The following CERK variants were observed in gnomAD, a reference collection of about 807,000 sequenced individuals.
CERK encodes acylsphingosine kinase.
A neutral mutation model predicts 63.4 loss-of-function variants in CERK; 39 were observed. The ratio of observed to expected loss-of-function variants is 0.61; its 90% CI spans 0.48 to 0.80. The LOEUF is 0.80. Among genes scored for constraint, CERK ranks in the 30% least tolerant of loss-of-function variants. The probability of loss-of-function intolerance (pLI) is 0.00; values close to 1 mark genes in which losing one functional copy is unlikely to be tolerated. For missense variants in CERK, 670 were observed against 714.1 expected (o/e 0.94, Z 0.70); for synonymous variants, 302 against 280.0 (o/e 1.08, Z -0.78).
chr22:46,701,210 C>A (rs2082781986), intron 7 of CERK, among the ~76,000 whole-genome samples: 1 of 152,184 alleles, frequency 6.6e-6, no homozygotes, highest in Admixed American at 6.5e-5. Flanking sequence ...TGGACTGAAG[C>A]CTCGAGGCCT....
intron 9 of CERK, among the ~76,000 whole-genome samples, chr22:46,694,829 GCA>G (rs2082748089): frequency 1.3e-5 from 2 of 152,182 alleles, no homozygotes; most frequent in South Asian, 2.1e-4. Flanking sequence ...CCCTGCACAC[GCA>G]CAGTCACTGA....
At chr22:46,735,125 A>G (rs2082966480) in intron 1 of CERK, 1 of 152,314 alleles carries the variant, frequency 6.6e-6, no homozygotes, top group South Asian at 2.1e-4. Context: ...ACTCTAAAGG[A>G]ATAAATGCAG....
intron 1 of CERK, among the ~76,000 whole-genome samples, chr22:46,724,379 G>C (rs1471569790): frequency 6.6e-6 from 1 of 152,220 alleles, no homozygotes; most frequent in Non-Finnish European, 1.5e-5. Flanking sequence ...GGAGTCAAAA[G>C]TTTTCAACTG....
chr22:46,720,034 C>T (rs943893640), intron 3 of CERK, 52 bp downstream of exon 3: 127 of 1,591,906 alleles, frequency 8.0e-5, no homozygotes, highest in Non-Finnish European at 9.5e-5. Flanking sequence ...CCCAATCAGG[C>T]ATGCGCATGC....
chr22:46,723,873 C>T (rs754035895), intron 1 of CERK, among the ~76,000 whole-genome samples: 8 of 151,992 alleles, frequency 5.3e-5, no homozygotes, highest in Non-Finnish European at 1.2e-4. Flanking sequence ...AACTTTTGTA[C>T]TTTTAGTAGA....
Position 46,693,475 on chromosome 22 carries a change from G to A in CERK, c.1078C>T (p.Gln360Ter). Residue 360 changes from glutamine to a stop codon, truncating the protein, a stop_gained, in exon 10 of 13, where the codon CAG becomes TAG. Transcript: ENST00000216264. LOFTEE classifies it high-confidence loss of function. ...GCTTTCTTCTGCTCCTCCTCCAGCTGCTGCTTGCTTTGCCTGCAAACAAAG... is the reference window on the plus strand; with the variant it reads ...GCTTTCTTCTGCTCCTCCTCCAGCTACTGCTTGCTTTGCCTGCAAACAAAG... ...GCFVCRQSKQ[Q>*]LEEEQKKALY... The A allele has an allele frequency of 6.2e-7, 1 of 1,614,156 alleles. No individual in the cohort carries two copies. The highest frequency in any genetic ancestry group is 8.5e-7 in the Non-Finnish European group (1 of 1,180,012).
chr22:46,737,027 C>T (rs2082977245), intron 1 of CERK, among the ~76,000 whole-genome samples: 1 of 152,218 alleles, frequency 6.6e-6, no homozygotes, highest in Non-Finnish European at 1.5e-5. Context: ...GGTGCGGTTG[C>T]TCACACCTGT....
At chr22:46,693,849 T>C in intron 9 of CERK, 1 of 316,194 alleles carries the variant, frequency 3.2e-6, no homozygotes, top group Non-Finnish European at 6.1e-6. Flanking sequence ...ACTCCTGGGG[T>C]GAGGACTCAT....
intron 8 of CERK, 110 bp downstream of exon 8, chr22:46,699,203 G>C: frequency 9.0e-7 from 1 of 1,106,118 alleles, no homozygotes; most frequent in Non-Finnish European, 1.3e-6. Flanking sequence ...CCGTCTGTGA[G>C]CAGGTGGGGG....
intron 3 of CERK, among the ~76,000 whole-genome samples, chr22:46,713,323 T>A (rs1421724096): frequency 6.7e-6 from 1 of 149,282 alleles, no homozygotes; most frequent in Non-Finnish European, 1.5e-5. Flanking sequence ...GCTAACACGG[T>A]GAAATCCCGT....
At chr22:46,734,351 G>A (rs2082961714) in intron 1 of CERK, among the ~76,000 whole-genome samples, 1 of 151,888 alleles carries the variant, frequency 6.6e-6, no homozygotes, top group South Asian at 2.1e-4. Context: ...ACAAAGACGT[G>A]CACATGGCAT....
chr22:46,722,662 G>A (rs1016919623), intron 1 of CERK, among the ~76,000 whole-genome samples: 20 of 150,976 alleles, frequency 1.3e-4, no homozygotes, highest in Non-Finnish European at 2.2e-4. Flanking sequence ...CGGTTCAAGC[G>A]ATTCTCCCTC....
At chr22:46,702,223 ATGTGTGTGTGTGTGTGTGTGTG>A (rs34222392) in intron 6 of CERK, among the ~76,000 whole-genome samples, 6 of 84,788 alleles carry the variant, frequency 7.1e-5, no homozygotes, top group African/African-American at 2.2e-4. Context: ...AAATATATAT[ATGTGTGTGTGTGTGTGTGTGTG>A]TGTGTGTGTG....
At chr22:46,723,670 G>A (rs971328051) in intron 1 of CERK, among the ~76,000 whole-genome samples, 1 of 151,904 alleles carries the variant, frequency 6.6e-6, no homozygotes, top group Non-Finnish European at 1.5e-5. Flanking sequence ...GAACAACATG[G>A]GCTTAACCTT....
Position 46,684,904 on chromosome 22 carries a change from G to C in CERK, c.*2230C>G, listed in dbSNP as rs1047123. On this transcript the variant is annotated 3_prime_UTR_variant, in exon 13 of 13. Transcript: ENST00000216264. ...CAGCAGTCCCGAGGTCTGAGATTCT[G>C]AATGTCAGCAGGTGGCTGGAGAGTA... The C allele has an allele frequency of 0.41, 62,665 of 152,004 alleles. 13,101 individuals carry two copies. Among genetic ancestry groups the C allele is most frequent in the Middle Eastern group, 0.5 (147 of 294 alleles). 9.4% of individuals were successfully genotyped at this position (152,004 alleles called of 1,614,324 possible).
At chr22:46,687,268 C>A (rs113347877) in intron 12 of CERK, 62 bp from the exon 13 acceptor site, 2 of 1,311,252 alleles carry the variant, frequency 1.5e-6, no homozygotes, top group African/African-American at 3.4e-5. Context: ...TGGCCTGAGC[C>A]CCACTCCTGG....
At position 46,696,489 on chromosome 22, in the gene CERK, C is replaced by T. The variant is rs527741137; in HGVS notation, c.944-1174G>A. Among the ~76,000 whole-genome samples the T allele has an allele frequency of 2.5e-3, 386 of 152,310 alleles. 2 individuals carry two copies. The highest frequency in any genetic ancestry group is 9.1e-3 in the African/African-American group (378 of 41,570). ...GGCAGGGGGGCAGCTGCCTCATCAC[C>T]CAGACGCAGCCTCCAGGGTGGCGCC... On this transcript the variant is annotated intron_variant, in intron 8 of 12. Coordinates refer to ENST00000216264, the MANE Select transcript of CERK (RefSeq NM_022766.6).
At chr22:46,694,066 A>T (rs2082744367) in intron 9 of CERK, among the ~76,000 whole-genome samples, 1 of 152,198 alleles carries the variant, frequency 6.6e-6, no homozygotes, top group Admixed American at 6.5e-5. Context: ...GCACTGACGC[A>T]AACAGCATCT....
Position 46,711,138 on chromosome 22 carries a change from C to T in CERK, c.517G>A (p.Ala173Thr). ...ITTDIIVTEH[A>T]NQAKETLYEI... is the part of the protein sequence containing the mutation. Reference sequence around the variant, plus strand: ...TACAGAGTCTCCTTGGCCTGATTAGCATGTTCAGTAACTGTGGGGAAAAAT... The same window carrying T: ...TACAGAGTCTCCTTGGCCTGATTAGTATGTTCAGTAACTGTGGGGAAAAAT... Residue 173 changes from alanine (A) to threonine (T), a missense_variant, in exon 5 of 13, where the codon GCT (alanine) becomes ACT (threonine). Transcript: ENST00000216264. The T allele has an allele frequency of 1.2e-5, 20 of 1,613,512 alleles. No individual in the cohort carries two copies. The highest frequency in any genetic ancestry group is 1.7e-5 in the Non-Finnish European group (20 of 1,179,448).
Sources: gnomAD v4.1 joint callset for allele counts (sites outside exome capture counted in the v4.1 genomes callset) on GRCh38, gnomAD v4.1.1 for gene constraint, MANE v1.5 for transcripts, NCBI Gene and HGNC (gene_info 2026-07-23, HGNC 2026-07-21) for gene names.